Variants in SHISA6 observed in about 807,000 individuals in gnomAD.
SHISA6 encodes protein shisa-6.
A neutral mutation model predicts 47.9 loss-of-function variants in SHISA6; 22 were observed. That is an observed-to-expected ratio of 0.46 (90% CI 0.33 to 0.66). The LOEUF is 0.66. Ranked by LOEUF, SHISA6 falls within the 30% of genes least tolerant of loss-of-function variation. The pLI is 0.02. For missense variants in SHISA6, 680 were observed against 764.6 expected (o/e 0.89, Z 1.30); for synonymous variants, 388 against 337.8 (o/e 1.15, Z -1.63).
intron 3 of SHISA6, among the ~76,000 whole-genome samples, chr17:11,481,602 T>A (rs890247720): frequency 6.6e-6 from 1 of 151,676 alleles, no homozygotes; most frequent in Admixed American, 6.6e-5. Flanking sequence ...AAGTAATTCT[T>A]CTGCCTTAGC....
At chr17:11,268,143 C>T (rs1037605170) in intron 2 of SHISA6, among the ~76,000 whole-genome samples, 6 of 152,136 alleles carry the variant, frequency 3.9e-5, no homozygotes, top group African/African-American at 1.4e-4. Context: ...TTCACTTTAT[C>T]AAGAGTGACA....
At chr17:11,303,952 G>A (rs1021011768) in intron 2 of SHISA6, among the ~76,000 whole-genome samples, 15 of 152,300 alleles carry the variant, frequency 9.8e-5, no homozygotes, top group East Asian at 7.7e-4. Context: ...TGTTTCCAGC[G>A]TGCCAAAAGC....
Position 11,468,785 on chromosome 17 carries a change from C to T in SHISA6, c.896-83111C>T, listed in dbSNP as rs528722341. On this transcript the variant is annotated intron_variant, in intron 3 of 5. Transcript: ENST00000441885. Reference sequence around the variant, plus strand: ...CCTGTAATCCCAGCACTTTGGGAGGCCAAGGTGGCTGGATCACTTGAGGTC... The same window carrying T: ...CCTGTAATCCCAGCACTTTGGGAGGTCAAGGTGGCTGGATCACTTGAGGTC... Among the ~76,000 whole-genome samples, 13 of 152,116 alleles carry T rather than the reference C, an allele frequency of 8.5e-5. 1 individual carries two copies. The South Asian group carries it at 2.7e-3, about 32-fold the overall frequency.
intron 3 of SHISA6, among the ~76,000 whole-genome samples, chr17:11,498,570 A>G (rs763106015): frequency 5.3e-5 from 8 of 152,236 alleles, no homozygotes; most frequent in Non-Finnish European, 8.8e-5. Flanking sequence ...TGGACATCCC[A>G]ATTGCCCTGG....
chr17:11,507,128 A>G (rs1289258054), intron 3 of SHISA6, among the ~76,000 whole-genome samples: 4 of 152,246 alleles, frequency 2.6e-5, no homozygotes, highest in African/African-American at 9.6e-5. Flanking sequence ...AGACAATGAC[A>G]TCCACCACAT....
At chr17:11,354,791 C>T (rs1912028955) in intron 2 of SHISA6, among the ~76,000 whole-genome samples, 2 of 152,120 alleles carry the variant, frequency 1.3e-5, no homozygotes, top group Admixed American at 6.6e-5. Flanking sequence ...TTGTTCCTTC[C>T]CTCCAGAAAC....
chr17:11,309,277 A>G (rs1001335841), intron 2 of SHISA6, among the ~76,000 whole-genome samples: 3 of 152,220 alleles, frequency 2.0e-5, no homozygotes, highest in Non-Finnish European at 4.4e-5. Context: ...ACATGAAGCA[A>G]GTGTTTGCTG....
At chr17:11,422,012 C>T (rs1213255446) in intron 3 of SHISA6, among the ~76,000 whole-genome samples, 1 of 152,148 alleles carries the variant, frequency 6.6e-6, no homozygotes, top group Non-Finnish European at 1.5e-5. Context: ...ATTATTATGT[C>T]AGCGCTTGTC....
chr17:11,287,072 CTTTAGAAACATGTGAAA>C (rs1909325911), intron 2 of SHISA6, among the ~76,000 whole-genome samples: 1 of 152,026 alleles, frequency 6.6e-6, no homozygotes, highest in East Asian at 1.9e-4. Context: ...AATATTTTCA[CTTTAGAAACATGTGAAA>C]ATGCAGTGAG....
chr17:11,457,553 A>C (rs1915572149), intron 3 of SHISA6, among the ~76,000 whole-genome samples: 1 of 146,030 alleles, frequency 6.8e-6, no homozygotes, highest in South Asian at 2.2e-4. Flanking sequence ...AACATAGTGA[A>C]ACCCTGTCTC....
At chr17:11,350,432 A>C (rs981778625) in intron 2 of SHISA6, among the ~76,000 whole-genome samples, 5 of 151,822 alleles carry the variant, frequency 3.3e-5, no homozygotes, top group Admixed American at 1.3e-4. Flanking sequence ...CACCCACCTC[A>C]GACTCCCAAA....
chr17:11,471,948 T>C (rs1915943954), intron 3 of SHISA6, among the ~76,000 whole-genome samples: 1 of 152,126 alleles, frequency 6.6e-6, no homozygotes, highest in South Asian at 2.1e-4. Flanking sequence ...TAGACCATTA[T>C]CACCCAGAGT....
chr17:11,425,628 T>C (rs1470960670), intron 3 of SHISA6, among the ~76,000 whole-genome samples: 1 of 152,196 alleles, frequency 6.6e-6, no homozygotes, highest in Non-Finnish European at 1.5e-5. Context: ...TTATATAAGA[T>C]GAAAACCTCA....
At chr17:11,327,078 A>C (rs1258548983) in intron 2 of SHISA6, among the ~76,000 whole-genome samples, 2 of 152,204 alleles carry the variant, frequency 1.3e-5, no homozygotes, top group Admixed American at 6.5e-5. Context: ...TAAGGGAACC[A>C]TCCGATAGAG....
intron 3 of SHISA6, among the ~76,000 whole-genome samples, chr17:11,541,436 C>CTTA (rs1193706685): frequency 6.6e-6 from 1 of 152,196 alleles, no homozygotes. Flanking sequence ...AGCCACTGAG[C>CTTA]TTATACTTAG....
intron 2 of SHISA6, among the ~76,000 whole-genome samples, chr17:11,371,626 C>T (rs552082265): frequency 2.6e-5 from 4 of 152,200 alleles, no homozygotes; most frequent in Admixed American, 2.6e-4. Flanking sequence ...TTGTCATTTA[C>T]ACATGGAAAA....
At chr17:11,367,655 C>T (rs1193019209) in intron 2 of SHISA6, among the ~76,000 whole-genome samples, 1 of 152,096 alleles carries the variant, frequency 6.6e-6, no homozygotes, top group African/African-American at 2.4e-5. Flanking sequence ...ATCTAAAGTC[C>T]CACATCTACT....
At chr17:11,446,020 G>T (rs1915223179) in intron 3 of SHISA6, among the ~76,000 whole-genome samples, 1 of 152,090 alleles carries the variant, frequency 6.6e-6, no homozygotes, top group Admixed American at 6.5e-5. Context: ...TAGAGATGGG[G>T]TTTCACCATA....
At chr17:11,349,057 T>C (rs1220129485) in intron 2 of SHISA6, among the ~76,000 whole-genome samples, 1 of 152,110 alleles carries the variant, frequency 6.6e-6, no homozygotes, top group Non-Finnish European at 1.5e-5. Context: ...AAGCTAAAGG[T>C]TGTGTTTGGT....
Sources: gnomAD v4.1 joint callset for allele counts (sites outside exome capture counted in the v4.1 genomes callset) on GRCh38, gnomAD v4.1.1 for gene constraint, MANE v1.5 for transcripts, NCBI Gene and HGNC (gene_info 2026-07-23, HGNC 2026-07-21) for gene names.